COA8: variants seen among roughly 807,000 people sequenced by gnomAD.
COA8 encodes the protein cytochrome c oxidase assembly factor 8.
Under a neutral mutation model 22.0 loss-of-function variants are expected in COA8, and 20 were observed. The observed-to-expected ratio is 0.91, with a 90% CI of 0.64 to 1.32. COA8 has a LOEUF of 1.32. COA8 is among the 40% of genes most tolerant of loss of function. COA8 has a pLI of 0.00. For missense variants in COA8, 266 were observed against 230.0 expected, an observed-to-expected ratio of 1.16 and a Z score of -1.01; for synonymous variants, 105 against 79.9, an observed-to-expected ratio of 1.31 and a Z score of -1.68.
intron 1 of COA8, among the ~76,000 whole-genome samples, chr14:103,569,678 G>A (rs1420314025): frequency 2.0e-5 from 3 of 152,232 alleles, no homozygotes; most frequent in African/African-American, 7.2e-5. Context: ...CAGTCTAGGG[G>A]GGTGGACCGT....
In COA8 at chr14:103,571,694, TC is replaced by T; in HGVS notation, c.196del (p.Arg66AspfsTer21). 6.2e-7 allele frequency: 1 copy of T among 1,614,216 alleles called. No homozygotes were observed. Reference protein sequence around the residue: ...IGPPDKYSNLRPVHFYIPENE... With the variant: ...IGPPDKYSNLXPVHFYIPENE... The stretch of plus-strand genomic sequence containing the variant: ...GACCCCCAGATAAATATTCAAACCT[TC>T]GACCTGTTCACTTTTACATACCTGA... On this transcript the variant is annotated frameshift_variant, in exon 2 of 5. Transcript: ENST00000409074. LOFTEE classifies it high-confidence loss of function.
chr14:103,563,137 C>T lies in COA8; in HGVS notation c.123+13C>T. 1 of 1,541,242 alleles carries T rather than the reference C, an allele frequency of 6.5e-7. No homozygotes were observed. The highest frequency in any genetic ancestry group is 8.7e-7 in the Non-Finnish European group (1 of 1,149,358). On this transcript the variant is annotated intron_variant, in intron 1 of 4. Transcript: ENST00000409074. Reference sequence around the variant, plus strand: ...GGCGCCCAGCGGGGTAAGCAGGGGCCTGGGGACATTGGGCCGGGAGGGGTG... The same window carrying T: ...GGCGCCCAGCGGGGTAAGCAGGGGCTTGGGGACATTGGGCCGGGAGGGGTG...
At chr14:103,563,211 A>G (rs1025049835) in intron 1 of COA8, 87 bp downstream of exon 1, 10 of 1,493,736 alleles carry the variant, frequency 6.7e-6, no homozygotes, top group Non-Finnish European at 8.1e-6. Flanking sequence ...CCTGTTCTGC[A>G]CAGCCGCCTC....
At chr14:103,578,929 G>A (rs967974831) in intron 3 of COA8, among the ~76,000 whole-genome samples, 10 of 152,182 alleles carry the variant, frequency 6.6e-5, no homozygotes, top group African/African-American at 1.4e-4. Flanking sequence ...CATGAGGTGC[G>A]CGGTTGCTGT....
chr14:103,584,818 C>G (rs996636323), intron 3 of COA8, among the ~76,000 whole-genome samples: 2 of 152,182 alleles, frequency 1.3e-5, no homozygotes, highest in Middle Eastern at 3.4e-3. Flanking sequence ...TGGAGAAATT[C>G]CTGTTTAAAT....
intron 3 of COA8, 103 bp from the exon 4 acceptor site, chr14:103,587,171 G>T: frequency 2.6e-6 from 2 of 782,734 alleles, no homozygotes; most frequent in East Asian, 2.6e-5. Flanking sequence ...TATTGGTCTT[G>T]TATATATCCT....
rs2076269737 is a variant in COA8, at chr14:103,581,866, C to T, written c.386-5408C>T. On this transcript the variant is annotated intron_variant, in intron 3 of 4. Transcript: ENST00000409074. The surrounding 1 kb of genome is among the most constrained non-coding windows in gnomAD (Gnocchi z 4.1). ...GACAGCCGTGCTTGTGCTGTGCCGT[C>T]TGAGTGTTTGTTTCTGTCTGTGGGA... Among the ~76,000 whole-genome samples the T allele has an allele frequency of 2.0e-5, 3 of 152,200 alleles. No homozygotes were observed. In the South Asian group the frequency reaches 6.2e-4, roughly 31 times the overall value.
intron 2 of COA8, 87 bp from the exon 3 acceptor site, chr14:103,574,020 C>T (rs1229952018): frequency 1.5e-5 from 21 of 1,445,306 alleles, no homozygotes; most frequent in African/African-American, 4.4e-5. Flanking sequence ...TCCAGTACAC[C>T]GTGAGCTGTG....
chr14:103,575,069 C>A (rs984249807), intron 3 of COA8, among the ~76,000 whole-genome samples: 10 of 152,274 alleles, frequency 6.6e-5, no homozygotes, highest in African/African-American at 2.2e-4. Context: ...CCTTACTGGG[C>A]CTCGCCGCGC....
chr14:103,585,434 G>A (rs1199774175), intron 3 of COA8, among the ~76,000 whole-genome samples: 7 of 148,694 alleles, frequency 4.7e-5, no homozygotes, highest in Non-Finnish European at 8.9e-5. Context: ...AGCCGAGATC[G>A]TACCATTGCA....
chr14:103,569,012 T>G (rs190311137), intron 1 of COA8, among the ~76,000 whole-genome samples: 4 of 152,256 alleles, frequency 2.6e-5, no homozygotes, highest in Non-Finnish European at 5.9e-5. Flanking sequence ...CCAGTAGGAA[T>G]GCACATGTGC....
intron 3 of COA8, among the ~76,000 whole-genome samples, chr14:103,586,490 G>C (rs879603221): frequency 1.3e-5 from 2 of 151,822 alleles, no homozygotes; most frequent in Admixed American, 6.6e-5. Context: ...CTACAGACGT[G>C]CACCACCACG....
At chr14:103,587,489 C>CTTT in intron 4 of COA8, 125 bp downstream of exon 4, 1 of 410,068 alleles carries the variant, frequency 2.4e-6, no homozygotes, top group Non-Finnish European at 4.3e-6. Context: ...ACTTTATCAA[C>CTTT]TTTTTTTTTT....
chr14:103,574,313 G>T (rs1157235390), intron 3 of COA8, 143 bp downstream of exon 3: 14 of 1,103,388 alleles, frequency 1.3e-5, no homozygotes, highest in African/African-American at 3.1e-5. Context: ...GCACACCCCT[G>T]TCCAAGTTCT....
At chr14:103,563,216 CGCCTCAG>C (rs1232653867) in intron 1 of COA8, 92 bp downstream of exon 1, 2 of 1,476,330 alleles carry the variant, frequency 1.4e-6, no homozygotes, top group East Asian at 4.9e-5. Context: ...TCTGCACAGC[CGCCTCAG>C]GCCTTTGTCC....
At chr14:103,570,053 C>T (rs1231792468) in intron 1 of COA8, among the ~76,000 whole-genome samples, 10 of 152,090 alleles carry the variant, frequency 6.6e-5, no homozygotes, top group African/African-American at 2.4e-4. Context: ...GATGGGGTTT[C>T]ACCATGTTGG....
At chr14:103,564,571 C>CT (rs561702478) in intron 1 of COA8, among the ~76,000 whole-genome samples, 1,010 of 91,428 alleles carry the variant, frequency 0.011, 100 homozygotes, top group Non-Finnish European at 0.013. Flanking sequence ...ATATACACTT[C>CT]TTTTTTTTTT....
rs749016364 is a variant in COA8 at position 103,581,864 on chromosome 14, G to A, written c.386-5410G>A. Among the ~76,000 whole-genome samples the A allele has an allele frequency of 2.6e-5, 4 of 152,196 alleles. No individual in the cohort carries two copies. Among genetic ancestry groups the A allele is most frequent in the Non-Finnish European group, 5.9e-5 (4 of 68,030 alleles). The stretch of plus-strand genomic sequence containing the variant: ...GGGACAGCCGTGCTTGTGCTGTGCC[G>A]TCTGAGTGTTTGTTTCTGTCTGTGG... On this transcript the variant is annotated intron_variant, in intron 3 of 4. Coordinates refer to ENST00000409074, the MANE Select transcript of COA8 (RefSeq NM_001370595.2). The surrounding 1 kb of genome is among the most constrained non-coding windows in gnomAD (Gnocchi z 4.1).
intron 3 of COA8, chr14:103,574,623 C>A: frequency 2.8e-6 from 1 of 354,814 alleles, no homozygotes; most frequent in South Asian, 2.2e-5. Flanking sequence ...AATCCAAAAT[C>A]ATCGACCCCA....
Sources: gnomAD v4.1 joint callset for allele counts (sites outside exome capture counted in the v4.1 genomes callset) on GRCh38, gnomAD v4.1.1 for gene constraint, Gnocchi (gnomAD v3.1) non-coding constraint, MANE v1.5 for transcripts, NCBI Gene and HGNC (gene_info 2026-07-23, HGNC 2026-07-21) for gene names.